The following NGEF variants were observed in gnomAD, a reference collection of about 807,000 sequenced individuals.
The protein encoded by NGEF is neuronal guanine nucleotide exchange factor.
NGEF carries 31 observed loss-of-function variants against 80.9 expected under a neutral mutation model. The ratio of observed to expected loss-of-function variants is 0.38; its 90% CI spans 0.29 to 0.52. The LOEUF is 0.52. NGEF is among the 20% of genes least tolerant of loss of function. NGEF has a pLI of 0.84. For synonymous variants in NGEF, 371 were observed against 370.2 expected (o/e 1.00, Z -0.03); for missense variants, 709 against 926.2 (o/e 0.77, Z 3.04).
chr2:232,973,185 A>C (rs1694228940), intron 2 of NGEF, among the ~76,000 whole-genome samples: 1 of 152,188 alleles, frequency 6.6e-6, no homozygotes, highest in African/African-American at 2.4e-5. Context: ...GGCTTGCATT[A>C]AAATGACATC....
chr2:232,923,661 G>T (rs1162498076), intron 4 of NGEF, among the ~76,000 whole-genome samples: 1 of 152,174 alleles, frequency 6.6e-6, no homozygotes, highest in African/African-American at 2.4e-5. Context: ...CTTGAACCCA[G>T]GGGGTGGAGG....
intron 1 of NGEF, among the ~76,000 whole-genome samples, chr2:233,000,673 TGG>T (rs1559243570): frequency 6.0e-5 from 9 of 149,608 alleles, no homozygotes; most frequent in Non-Finnish European, 1.0e-4. Flanking sequence ...GGCAGGAGAA[TGG>T]CGTGAACCTG....
intron 5 of NGEF, among the ~76,000 whole-genome samples, chr2:232,919,030 T>G (rs1692874751): frequency 6.6e-6 from 1 of 152,204 alleles, no homozygotes; most frequent in Non-Finnish European, 1.5e-5. Flanking sequence ...GTCTAAACAT[T>G]TTCCATACTC....
chr2:232,882,115 C>T, intron 13 of NGEF, 71 bp downstream of exon 13: 2 of 1,395,942 alleles, frequency 1.4e-6, no homozygotes, highest in South Asian at 1.2e-5. Flanking sequence ...GCAGGGCACA[C>T]CGTGCACCTG....
intron 1 of NGEF, among the ~76,000 whole-genome samples, chr2:232,979,037 C>T (rs529401570): frequency 2.8e-4 from 43 of 152,170 alleles, no homozygotes; most frequent in Admixed American, 2.7e-3. Flanking sequence ...AGGGATGCAA[C>T]GACGCCCACA....
chr2:232,999,261 C>T (rs1694921195), intron 1 of NGEF, among the ~76,000 whole-genome samples: 2 of 152,170 alleles, frequency 1.3e-5, no homozygotes, highest in South Asian at 4.1e-4. Context: ...ATAGTTTTTA[C>T]TTTTTGGTGT....
At chr2:232,920,249 C>A in intron 5 of NGEF, 35 bp downstream of exon 5, 1 of 1,586,224 alleles carries the variant, frequency 6.3e-7, no homozygotes, top group Non-Finnish European at 8.6e-7. Context: ...CCCCGGTGTG[C>A]TGTGGGGGAG....
At chr2:232,999,831 G>A (rs1202637279) in intron 1 of NGEF, among the ~76,000 whole-genome samples, 1 of 152,212 alleles carries the variant, frequency 6.6e-6, no homozygotes, top group East Asian at 1.9e-4. Context: ...CTGGGTCTTT[G>A]TTGAATTCTA....
chr2:232,946,851 T>C (rs1378229923), intron 3 of NGEF, among the ~76,000 whole-genome samples: 3 of 152,132 alleles, frequency 2.0e-5, no homozygotes, highest in African/African-American at 7.2e-5. Context: ...ATGACAATCA[T>C]GGATTAAAAC....
In NGEF at chr2:232,905,225, C is replaced by A. The variant is rs1011576378; in HGVS notation, c.829-10309G>T. The stretch of plus-strand genomic sequence containing the variant: ...TGCCTGATTGTCCTGCCTCAGCCTG[C>A]CGAGTGCCTGCGATTGCAGGCGCGC... On this transcript the variant is annotated intron_variant, in intron 5 of 14. Transcript: ENST00000264051. Among the ~76,000 whole-genome samples the A allele has an allele frequency of 6.6e-5, 10 of 152,218 alleles. No homozygotes were observed. The South Asian group carries it at 8.3e-4, about 13-fold the overall frequency.
intron 5 of NGEF, among the ~76,000 whole-genome samples, chr2:232,910,957 C>G (rs571048534): frequency 1.8e-4 from 27 of 152,226 alleles, no homozygotes; most frequent in African/African-American, 6.5e-4. Flanking sequence ...TCTTTTCATT[C>G]TCTTAACTGT....
Position 232,927,169 on chromosome 2 carries a change from G to T in NGEF, c.401C>A (p.Pro134Gln), listed in dbSNP as rs1456521794. 1 of 1,598,338 alleles carries T rather than the reference G, an allele frequency of 6.3e-7. No homozygotes were observed. ...CTCCTCGGGCGTGGCCCCATTTCCC[G>T]GGGTGGAGGACGACTCACTGCCAGA... ...AQEMSESSST[P>Q]GNGATPEEWP... The change falls in exon 4 of 15, where the codon CCG (proline) becomes CAG (glutamine). Residue 134 changes from proline (P) to glutamine (Q), a missense_variant. This residue lies in a region of NGEF where 283 missense variants were observed against 303.4 expected (regional missense o/e 0.93). Coordinates refer to ENST00000264051, the MANE Select transcript of NGEF (RefSeq NM_019850.3).
In NGEF at chr2:232,947,358, G is replaced by A. The variant is rs567575347; in HGVS notation, c.384-20172C>T. The stretch of plus-strand genomic sequence containing the variant: ...TCCCAGTTTGAAGGAGACACAGGGA[G>A]TGATGTGATCTGGCTCTGTGTCCTC... On this transcript the variant is annotated intron_variant, in intron 3 of 14. Coordinates refer to ENST00000264051, the MANE Select transcript of NGEF (RefSeq NM_019850.3). 4.6e-5 allele frequency among the ~76,000 whole-genome samples: 7 copies of A among 152,280 alleles called. No homozygotes were observed. The South Asian group carries it at 1.2e-3, about 27-fold the overall frequency.
intron 1 of NGEF, among the ~76,000 whole-genome samples, chr2:232,997,675 G>A (rs1694882666): frequency 6.6e-6 from 1 of 152,084 alleles, no homozygotes; most frequent in Non-Finnish European, 1.5e-5. Flanking sequence ...TTCAGGCAAG[G>A]CTCTGGCGAC....
intron 1 of NGEF, among the ~76,000 whole-genome samples, chr2:232,994,902 T>C (rs927664500): frequency 1.4e-5 from 2 of 147,960 alleles, no homozygotes; most frequent in African/African-American, 2.5e-5. Flanking sequence ...ATATAATACA[T>C]ACATACACAT....
At chr2:233,010,558 C>T (rs1226201244) in intron 1 of NGEF, among the ~76,000 whole-genome samples, 1 of 151,356 alleles carries the variant, frequency 6.6e-6, no homozygotes, top group East Asian at 1.9e-4. Flanking sequence ...TGCCCATCCT[C>T]CTCATTTGAA....
At chr2:232,959,474 A>G (rs1283899707) in intron 3 of NGEF, among the ~76,000 whole-genome samples, 1 of 152,210 alleles carries the variant, frequency 6.6e-6, no homozygotes, top group African/African-American at 2.4e-5. Flanking sequence ...AGAAATACAT[A>G]CAAGGAACAG....
chr2:232,886,329 T>C (rs1691691846), intron 9 of NGEF, among the ~76,000 whole-genome samples: 1 of 151,734 alleles, frequency 6.6e-6, no homozygotes, highest in South Asian at 2.1e-4. Context: ...TGTGTGTGTG[T>C]GCAGTGTGTA....
rs1028250280 is a variant in NGEF at position 232,882,042 on chromosome 2, A to T, written c.1837+144T>A. 1.3e-5 allele frequency: 9 copies of T among 678,526 alleles called. No individual in the cohort carries two copies. The Admixed American group carries it at 2.3e-4, about 17-fold the overall frequency. 42.0% of individuals were successfully genotyped at this position (678,526 alleles called of 1,614,324 possible). A position where few individuals can be genotyped will look rare whatever the true frequency, so the allele number is the denominator to read the frequency against. On this transcript the variant is annotated intron_variant, in intron 13 of 14. Coordinates refer to ENST00000264051, the MANE Select transcript of NGEF (RefSeq NM_019850.3). Reference sequence around the variant, plus strand: ...GGCCGGTACTAAGTTTCCAGTAGGAAGCAGCCCCTGGAGGCCCGTGCAGGC... The same window carrying T: ...GGCCGGTACTAAGTTTCCAGTAGGATGCAGCCCCTGGAGGCCCGTGCAGGC...
Sources: allele counts gnomAD v4.1 joint callset (sites outside exome capture counted in the v4.1 genomes callset), GRCh38; gene constraint gnomAD v4.1.1; regional missense constraint gnomAD v4.1.1; transcripts MANE v1.5; gene names NCBI Gene and HGNC (gene_info 2026-07-23, HGNC 2026-07-21).